The following PCYT1B variants were observed in gnomAD, a reference collection of about 807,000 sequenced individuals.
PCYT1B encodes the protein choline-phosphate cytidylyltransferase B.
Under a neutral mutation model 26.4 loss-of-function variants are expected in PCYT1B, and 10 were observed. The ratio of observed to expected loss-of-function variants is 0.38; its 90% CI spans 0.23 to 0.64. The LOEUF is 0.64. PCYT1B is among the 30% of genes least tolerant of loss of function. PCYT1B has a pLI of 0.56. For synonymous variants in PCYT1B, 131 were observed against 108.4 expected, an observed-to-expected ratio of 1.21 and a Z score of -1.29; for missense variants, 161 against 292.7, an observed-to-expected ratio of 0.55 and a Z score of 3.28.
intron 5 of PCYT1B, among the ~76,000 whole-genome samples, chrX:24,581,934 T>C (rs1030938252): frequency 8.9e-5 from 10 of 112,891 alleles, no homozygotes; most frequent in African/African-American, 3.2e-4. Context: ...CAGTTTCTTA[T>C]GTTCCATGGT....
intron 1 of PCYT1B, among the ~76,000 whole-genome samples, chrX:24,636,442 G>C (rs1233388309): frequency 9.0e-6 from 1 of 111,579 alleles, no homozygotes; most frequent in Non-Finnish European, 1.9e-5. Flanking sequence ...GTGAAACCTG[G>C]TCTCTACTAA....
chrX:24,630,517 G>A (rs187383136), intron 1 of PCYT1B, among the ~76,000 whole-genome samples: 4 of 111,626 alleles, frequency 3.6e-5, no homozygotes, highest in East Asian at 5.6e-4. Flanking sequence ...GGATGGTCTC[G>A]ATCTCCTGAC....
intron 3 of PCYT1B, among the ~76,000 whole-genome samples, chrX:24,591,794 C>A (rs770502232): frequency 5.4e-5 from 6 of 111,700 alleles, no homozygotes; most frequent in Non-Finnish European, 5.6e-5. Context: ...TAATAATTAA[C>A]ATATTTATGG....
At chrX:24,605,289 T>C (rs1925088703) in intron 3 of PCYT1B, among the ~76,000 whole-genome samples, 1 of 111,417 alleles carries the variant, frequency 9.0e-6, no homozygotes, top group Non-Finnish European at 1.9e-5. Flanking sequence ...CCTCACACTG[T>C]TGTCTTGACT....
intron 7 of PCYT1B, among the ~76,000 whole-genome samples, chrX:24,563,714 C>G (rs1352887942): frequency 2.7e-5 from 3 of 111,551 alleles, no homozygotes; most frequent in Non-Finnish European, 3.8e-5. Context: ...AGAGACATAT[C>G]AGGCGGCAGT....
At chrX:24,617,320 G>A (rs1437464426) in intron 2 of PCYT1B, among the ~76,000 whole-genome samples, 2 of 105,651 alleles carry the variant, frequency 1.9e-5, no homozygotes, top group Non-Finnish European at 3.9e-5. Context: ...CATTATTATT[G>A]TTAAGCAAAC....
upstream of PCYT1B, chrX:24,672,773 G>A (rs1416552957): frequency 4.3e-6 from 2 of 460,011 alleles, no homozygotes; most frequent in Non-Finnish European, 7.5e-6. Flanking sequence ...TAAGCTCGGA[G>A]GAGCTCGGAG....
chrX:24,644,839 C>T (rs952669114), intron 1 of PCYT1B, among the ~76,000 whole-genome samples: 2 of 111,870 alleles, frequency 1.8e-5, no homozygotes, highest in Admixed American at 1.9e-4. Flanking sequence ...GTGGGCGGAT[C>T]ACCTGAGGGC....
At chrX:24,598,570 CTCT>C (rs1924861851) in intron 3 of PCYT1B, among the ~76,000 whole-genome samples, 2 of 111,278 alleles carry the variant, frequency 1.8e-5, no homozygotes, top group South Asian at 7.5e-4. Context: ...AAAAATCATA[CTCT>C]TCTTCGTATA....
chrX:24,621,563 G>A (rs1026992580), intron 1 of PCYT1B, among the ~76,000 whole-genome samples: 2 of 110,763 alleles, frequency 1.8e-5, no homozygotes, highest in African/African-American at 3.3e-5. Flanking sequence ...TGCCACATCC[G>A]TCTCCTGGGT....
chrX:24,659,839 G>A (rs1926992787), intron 1 of PCYT1B, among the ~76,000 whole-genome samples: 1 of 111,629 alleles, frequency 9.0e-6, no homozygotes, highest in African/African-American at 3.3e-5. Flanking sequence ...CCACTCATGA[G>A]GTCAGAGCCC....
At chrX:24,589,336 A>G (rs1278955539) in intron 4 of PCYT1B, among the ~76,000 whole-genome samples, 2 of 112,037 alleles carry the variant, frequency 1.8e-5, no homozygotes, top group Non-Finnish European at 3.8e-5. Context: ...TACTGCTTAT[A>G]AAAGGAAAGA....
intron 6 of PCYT1B, among the ~76,000 whole-genome samples, chrX:24,577,217 C>T (rs967390112): frequency 1.8e-5 from 2 of 111,273 alleles, no homozygotes; most frequent in Non-Finnish European, 3.8e-5. Context: ...TCTGAGGTTC[C>T]GTGATTTGTC....
chrX:24,590,236 G>A lies in PCYT1B; in HGVS notation c.335-62C>T, dbSNP rs1924514548. ...CCCAGGACCTGCTCACAGCCACCCT[G>A]GTTCAGACAAGGCTTCTTCAGCAGG... On this transcript the variant is annotated intron_variant, in intron 3 of 7. Coordinates refer to ENST00000379144, the MANE Select transcript of PCYT1B (RefSeq NM_004845.5). The A allele has an allele frequency of 6.8e-6, 7 of 1,023,562 alleles. No individual in the cohort carries two copies. In the South Asian group the frequency reaches 9.8e-5, roughly 14 times the overall value. The allele number at this position is 1,023,562 out of a possible 1,213,427, so 84.4% of individuals were successfully genotyped here. A position where few individuals can be genotyped will look rare whatever the true frequency, so the allele number is the denominator to read the frequency against.
At chrX:24,613,950 C>CAAAAAAAAAAAAAAAAAAAAAAAAAAA (rs200062439) in intron 2 of PCYT1B, among the ~76,000 whole-genome samples, 1 of 77,213 alleles carries the variant, frequency 1.3e-5, no homozygotes, top group Non-Finnish European at 2.6e-5. Context: ...AACAACCTGT[C>CAAAAAAAAAAAAAAAAAAAAAAAAAAA]AAAAAAAAAA....
intron 3 of PCYT1B, among the ~76,000 whole-genome samples, chrX:24,605,562 T>A (rs1925098998): frequency 8.9e-6 from 1 of 112,158 alleles, no homozygotes; most frequent in African/African-American, 3.2e-5. Flanking sequence ...GACAGTCTGT[T>A]TTGTTCATGG....
chrX:24,644,288 T>C (rs961682455), intron 1 of PCYT1B, among the ~76,000 whole-genome samples: 1 of 111,755 alleles, frequency 8.9e-6, no homozygotes, highest in Admixed American at 9.5e-5. Context: ...TTAGTAGTGT[T>C]TTATAAATTG....
At chrX:24,656,179 T>C (rs1219183333) in intron 1 of PCYT1B, among the ~76,000 whole-genome samples, 1 of 33,247 alleles carries the variant, frequency 3.0e-5, no homozygotes, top group African/African-American at 1.2e-4. Context: ...AAAATAATGG[T>C]GAGACATGAA....
chrX:24,646,308 A>T (rs1312836315), intron 1 of PCYT1B, among the ~76,000 whole-genome samples: 1 of 111,120 alleles, frequency 9.0e-6, no homozygotes, highest in Non-Finnish European at 1.9e-5. Context: ...CGCTCTCAGT[A>T]CCCCGTTTCC....
Sources: allele counts gnomAD v4.1 joint callset (sites outside exome capture counted in the v4.1 genomes callset), GRCh38; gene constraint gnomAD v4.1.1; transcripts MANE v1.5; gene names NCBI Gene and HGNC (gene_info 2026-07-23, HGNC 2026-07-21).